Variants in LIFR observed in about 807,000 individuals in gnomAD.
The protein encoded by LIFR is leukemia inhibitory factor receptor.
LIFR carries 84 observed loss-of-function variants against 122.2 expected under a neutral mutation model. The ratio of observed to expected loss-of-function variants is 0.69; its 90% confidence interval spans 0.58 to 0.82. LIFR has a LOEUF of 0.82. LIFR is among the 40% of genes least tolerant of loss of function. The probability of loss-of-function intolerance (pLI) is 0.00; values close to 1 mark genes in which losing one functional copy is unlikely to be tolerated. For missense variants in LIFR, 1,294 were observed against 1,311.6 expected, an observed-to-expected ratio of 0.99 and a Z score of 0.21; for synonymous variants, 422 against 434.7, an observed-to-expected ratio of 0.97 and a Z score of 0.36.
chr5:38,561,090 C>T (rs1165109866), upstream of LIFR, among the ~76,000 whole-genome samples: 2 of 152,196 alleles, frequency 1.3e-5, no homozygotes, highest in African/African-American at 4.8e-5. Context: ...GCATAGCTCT[C>T]ATTGTCAAGT....
At chr5:38,502,859 A>G (rs1745265312) in intron 10 of LIFR, 60 bp from the exon 11 acceptor site, 26 of 955,268 alleles carry the variant, frequency 2.7e-5, no homozygotes, top group Non-Finnish European at 3.8e-5. Flanking sequence ...ATACATATAT[A>G]TATACATACA....
chr5:38,546,301 C>T (rs3110968), intron 1 of LIFR, among the ~76,000 whole-genome samples: 2,048 of 152,066 alleles, frequency 0.013, 33 homozygotes, highest in African/African-American at 0.047. Context: ...CCAGTATGAC[C>T]TGAACTATAT....
At chr5:38,553,877 G>A (rs1197862726) in intron 1 of LIFR, among the ~76,000 whole-genome samples, 5 of 150,718 alleles carry the variant, frequency 3.3e-5, no homozygotes. Flanking sequence ...CAATTTTTTT[G>A]TTTTAAAGAA....
chr5:38,492,873 A>G (rs1030994812), intron 14 of LIFR, among the ~76,000 whole-genome samples: 1 of 152,144 alleles, frequency 6.6e-6, no homozygotes, highest in Non-Finnish European at 1.5e-5. Context: ...TTGTGCCAGG[A>G]AAACAACGAT....
At chr5:38,518,109 A>C (rs924849222) in intron 5 of LIFR, among the ~76,000 whole-genome samples, 37 of 151,754 alleles carry the variant, frequency 2.4e-4, no homozygotes, top group Non-Finnish European at 4.6e-4. Context: ...GCAGAACCCT[A>C]TCTCTAAAAA....
In LIFR at chr5:38,510,562, G is replaced by A; in HGVS notation, c.893C>T (p.Ala298Val). Reference sequence around the variant, plus strand: ...AACAGAAATATTACGAATCTTGATTGCAACATTTTCCCCATCAAGATGGAT... The same window carrying A: ...AACAGAAATATTACGAATCTTGATTACAACATTTTCCCCATCAAGATGGAT... ...PLIHLDGENVAIKIRNISVSA... is the reference protein window; with the variant it reads ...PLIHLDGENVVIKIRNISVSA... The change falls in exon 7 of 20, where the codon GCA becomes GTA. Residue 298 changes from alanine (A) to valine (V), a missense_variant. By Grantham distance (64) the Ala-to-Val change is moderately conservative (BLOSUM62 0). Transcript: ENST00000453190. The A allele has an allele frequency of 1.2e-6, 2 of 1,613,940 alleles. No homozygotes were observed. Among genetic ancestry groups the A allele is most frequent in the African/African-American group, 1.3e-5 (1 of 75,012 alleles).
At chr5:38,590,083 T>C (rs530989134) in intron 1 of LIFR, among the ~76,000 whole-genome samples, 1 of 152,378 alleles carries the variant, frequency 6.6e-6, no homozygotes, top group Admixed American at 6.5e-5. Flanking sequence ...ATGCAGGACC[T>C]AGAGTTAGCC....
chr5:38,494,945 GAC>G (rs1744803258), intron 13 of LIFR, among the ~76,000 whole-genome samples: 1 of 152,210 alleles, frequency 6.6e-6, no homozygotes, highest in South Asian at 2.1e-4. Flanking sequence ...AATAAACACA[GAC>G]AAGTTTTTTG....
chr5:38,580,686 A>G (rs1749552224), intron 1 of LIFR, among the ~76,000 whole-genome samples: 1 of 152,004 alleles, frequency 6.6e-6, no homozygotes, highest in African/African-American at 2.4e-5. Flanking sequence ...AAAACTCGTC[A>G]TTTTCCTTTC....
intron 1 of LIFR, among the ~76,000 whole-genome samples, chr5:38,576,512 A>G (rs887396502): frequency 2.0e-5 from 3 of 152,216 alleles, no homozygotes; most frequent in African/African-American, 7.2e-5. Context: ...CTAGCTTTCC[A>G]TGACAGACTT....
Position 38,507,666 on chromosome 5 carries a change from G to A in LIFR, c.992-1034C>T, listed in dbSNP as rs557885489. 4.9e-4 allele frequency among the ~76,000 whole-genome samples: 74 copies of A among 150,630 alleles called. 1 individual carries two copies. The South Asian group carries it at 0.014, about 29-fold the overall frequency. ...AATCATGTTTAACCATACACATATA[G>A]AAACTGGTATTTCCTCTCTCATATT... On this transcript the variant is annotated intron_variant, in intron 7 of 19. Coordinates refer to ENST00000453190, the MANE Select transcript of LIFR (RefSeq NM_001127671.2).
At chr5:38,486,789 G>A (rs1424256327) in intron 16 of LIFR, among the ~76,000 whole-genome samples, 2 of 152,096 alleles carry the variant, frequency 1.3e-5, no homozygotes, top group African/African-American at 4.8e-5. Context: ...TAAAGATAGA[G>A]CTCTTTTACG....
chr5:38,575,336 T>C (rs987892644), intron 1 of LIFR, among the ~76,000 whole-genome samples: 3 of 152,220 alleles, frequency 2.0e-5, no homozygotes, highest in Non-Finnish European at 4.4e-5. Context: ...AGTGTTTAGC[T>C]TATAAAAATT....
At chr5:38,485,691 G>C (rs1744246773) in intron 17 of LIFR, 128 bp downstream of exon 17, 1 of 1,017,386 alleles carries the variant, frequency 9.8e-7, no homozygotes, top group Non-Finnish European at 1.5e-6. Context: ...CCCTCTACCA[G>C]CCAAAAACTG....
upstream of LIFR, chr5:38,557,532 C>G (rs1163836923): frequency 6.5e-6 from 1 of 154,750 alleles, no homozygotes; most frequent in Non-Finnish European, 1.5e-5. Flanking sequence ...GCCCCTGGCA[C>G]GCAGTCAGGA....
chr5:38,601,076 T>A (rs1044601879), intron 2 of LIFR, among the ~76,000 whole-genome samples: 5 of 152,166 alleles, frequency 3.3e-5, no homozygotes, highest in Admixed American at 1.3e-4. Context: ...ATGATTTCGC[T>A]CCCCTCTAAT....
At chr5:38,560,114 A>T (rs1748776420), upstream of LIFR, among the ~76,000 whole-genome samples, 1 of 152,022 alleles carries the variant, frequency 6.6e-6, no homozygotes, top group Admixed American at 6.6e-5. Context: ...TAATATATAT[A>T]GTGTTTATCA....
upstream of LIFR, among the ~76,000 whole-genome samples, chr5:38,597,923 A>G (rs927698895): frequency 2.0e-5 from 3 of 152,196 alleles, no homozygotes; most frequent in Non-Finnish European, 4.4e-5. Context: ...CATACAGTGC[A>G]TAAGGACATA....
intron 5 of LIFR, among the ~76,000 whole-genome samples, chr5:38,512,781 G>T (rs983600651): frequency 5.3e-5 from 8 of 152,048 alleles, no homozygotes; most frequent in Non-Finnish European, 1.0e-4. Context: ...TCAGATTAGG[G>T]ATGCTCAACC....
Sources: allele counts gnomAD v4.1 joint callset (sites outside exome capture counted in the v4.1 genomes callset), GRCh38; gene constraint gnomAD v4.1.1; transcripts MANE v1.5; gene names NCBI Gene and HGNC (gene_info 2026-07-23, HGNC 2026-07-21).